The following SRBD1 variants were observed in gnomAD, a reference collection of about 807,000 sequenced individuals.
SRBD1 encodes the protein S1 RNA binding domain 1, also known as S1 RNA-binding domain-containing protein 1.
In SRBD1, 88 loss-of-function variants were observed where a neutral mutation model predicts 115.3. That is an observed-to-expected ratio of 0.76 (90% CI 0.64 to 0.91). The LOEUF (loss-of-function observed/expected upper bound fraction) is 0.91, where lower values mean the gene tolerates loss of function less well. SRBD1 is among the 40% of genes least tolerant of loss of function. SRBD1 has a pLI of 0.00. For missense variants in SRBD1, 1,385 were observed against 1,177.4 expected (o/e 1.18, Z -2.58); for synonymous variants, 509 against 407.7 (o/e 1.25, Z -2.99).
intron 14 of SRBD1, among the ~76,000 whole-genome samples, chr2:45,542,946 A>T (rs1671993265): frequency 6.6e-6 from 1 of 152,250 alleles, no homozygotes; most frequent in Non-Finnish European, 1.5e-5. Context: ...CCAATAAAAG[A>T]TTATACACTG....
intron 14 of SRBD1, among the ~76,000 whole-genome samples, chr2:45,545,752 G>T (rs964317314): frequency 6.6e-6 from 1 of 152,072 alleles, no homozygotes; most frequent in Admixed American, 6.6e-5. Flanking sequence ...GGCACCTATC[G>T]GTTTGTTCCT....
chr2:45,476,577 T>A (rs981256073), intron 16 of SRBD1, among the ~76,000 whole-genome samples: 7 of 152,202 alleles, frequency 4.6e-5, no homozygotes, highest in Non-Finnish European at 1.5e-5. Flanking sequence ...AAACGAGTAC[T>A]ATTATTACCT....
At chr2:45,608,102 C>G (rs2104272297) in intron 1 of SRBD1, among the ~76,000 whole-genome samples, 1 of 152,302 alleles carries the variant, frequency 6.6e-6, no homozygotes, top group East Asian at 1.9e-4. Context: ...ACACTTCAGC[C>G]TTAACAGAAA....
At chr2:45,406,777 T>C (rs988161850) in intron 19 of SRBD1, among the ~76,000 whole-genome samples, 3 of 152,196 alleles carry the variant, frequency 2.0e-5, no homozygotes, top group African/African-American at 4.8e-5. Flanking sequence ...CAGTTTCATT[T>C]ATTGGACAGG....
intron 6 of SRBD1, among the ~76,000 whole-genome samples, chr2:45,580,458 G>A (rs911241658): frequency 6.8e-6 from 1 of 147,706 alleles, no homozygotes; most frequent in Non-Finnish European, 1.5e-5. Context: ...TGATTCTCTT[G>A]CCTCAGTCTC....
intron 14 of SRBD1, among the ~76,000 whole-genome samples, chr2:45,534,379 C>A (rs1671701302): frequency 6.6e-6 from 1 of 151,714 alleles, no homozygotes. Flanking sequence ...AACAAGAGCC[C>A]AGTGTTCATA....
At chr2:45,411,848 C>T (rs1385281157) in intron 19 of SRBD1, among the ~76,000 whole-genome samples, 2 of 152,150 alleles carry the variant, frequency 1.3e-5, no homozygotes, top group African/African-American at 4.8e-5. Flanking sequence ...CAGTGGCTCA[C>T]GCCTGTAATC....
Position 45,389,177 on chromosome 2 carries a change from GTGTT to G in SRBD1, c.*129_*132del. ...TATTCAGAAGAAAAAATAAAGGAAA[GTGTT>G]TGGAAAATATTTCTGATATTAAGTG... On this transcript the variant is annotated 3_prime_UTR_variant, in exon 21 of 21. Coordinates refer to ENST00000263736, the MANE Select transcript of SRBD1 (RefSeq NM_018079.5). 9.1e-7 allele frequency: 1 copy of G among 1,093,028 alleles called. No homozygotes were observed. Among genetic ancestry groups the G allele is most frequent in the Non-Finnish European group, 1.3e-6 (1 of 777,684 alleles). The allele number at this position is 1,093,028 out of a possible 1,614,324, so 67.7% of individuals were successfully genotyped here.
chr2:45,546,269 TA>T, intron 14 of SRBD1: 1 of 985,380 alleles, frequency 1.0e-6, no homozygotes, highest in Non-Finnish European at 1.2e-6. Flanking sequence ...GACCAAGGGA[TA>T]AATGAGGAAA....
intron 16 of SRBD1, among the ~76,000 whole-genome samples, chr2:45,436,111 T>G (rs1032803110): frequency 6.6e-6 from 1 of 151,220 alleles, no homozygotes; most frequent in African/African-American, 2.4e-5. Context: ...ATTCAAAAAA[T>G]CAATTAATGG....
At chr2:45,599,320 A>G in intron 4 of SRBD1, 129 bp downstream of exon 4, 1 of 1,330,192 alleles carries the variant, frequency 7.5e-7, no homozygotes, top group Non-Finnish European at 1.0e-6. Flanking sequence ...GAAAGCCTCC[A>G]GAAATCACTG....
chr2:45,423,252 A>G (rs1041379637), intron 16 of SRBD1, among the ~76,000 whole-genome samples: 1 of 152,208 alleles, frequency 6.6e-6, no homozygotes, highest in African/African-American at 2.4e-5. Flanking sequence ...GGAAAATAAC[A>G]AATATTGATG....
chr2:45,520,235 C>T (rs1337979586), intron 14 of SRBD1, among the ~76,000 whole-genome samples: 1 of 152,186 alleles, frequency 6.6e-6, no homozygotes, highest in Admixed American at 6.5e-5. Context: ...TGTGCTGTTA[C>T]TGGGTCAAGT....
intron 16 of SRBD1, among the ~76,000 whole-genome samples, chr2:45,429,737 A>C (rs1438901248): frequency 6.6e-6 from 1 of 152,204 alleles, no homozygotes; most frequent in Non-Finnish European, 1.5e-5. Flanking sequence ...GCACAAGACA[A>C]GGATGCCCTC....
At chr2:45,520,658 T>C (rs1274535039) in intron 14 of SRBD1, among the ~76,000 whole-genome samples, 4 of 149,758 alleles carry the variant, frequency 2.7e-5, no homozygotes, top group African/African-American at 7.6e-5. Context: ...GACAAGCAAA[T>C]GGCAGAATGG....
At chr2:45,460,126 C>T (rs1669269540) in intron 16 of SRBD1, among the ~76,000 whole-genome samples, 1 of 152,158 alleles carries the variant, frequency 6.6e-6, no homozygotes, top group Non-Finnish European at 1.5e-5. Flanking sequence ...TGGCTCACTG[C>T]CAACTTCCAT....
intron 16 of SRBD1, among the ~76,000 whole-genome samples, chr2:45,437,224 T>A (rs1668524671): frequency 1.3e-5 from 2 of 151,946 alleles, no homozygotes; most frequent in Non-Finnish European, 2.9e-5. Context: ...ATTCTAAAGT[T>A]TATATAGAGA....
At chr2:45,574,291 T>A (rs1673109394) in intron 8 of SRBD1, among the ~76,000 whole-genome samples, 1 of 152,212 alleles carries the variant, frequency 6.6e-6, no homozygotes, top group South Asian at 2.1e-4. Context: ...TCAACATGTT[T>A]AAAAAGCAAT....
intron 14 of SRBD1, among the ~76,000 whole-genome samples, chr2:45,528,577 T>C (rs1367571039): frequency 6.6e-6 from 1 of 151,886 alleles, no homozygotes; most frequent in African/African-American, 2.4e-5. Flanking sequence ...AGGGGTACTC[T>C]AGAGACTAGC....
Sources: gnomAD v4.1 joint callset for allele counts (sites outside exome capture counted in the v4.1 genomes callset) on GRCh38, gnomAD v4.1.1 for gene constraint, MANE v1.5 for transcripts, NCBI Gene and HGNC (gene_info 2026-07-23, HGNC 2026-07-21) for gene names.